FAF1: variants seen among roughly 807,000 people sequenced by gnomAD.
FAF1 encodes Fas associated factor 1.
FAF1 carries 25 observed loss-of-function variants against 92.5 expected under a neutral mutation model. That is an observed-to-expected ratio of 0.27 (90% CI 0.20 to 0.38). The LOEUF (loss-of-function observed/expected upper bound fraction) is 0.38, where lower values mean the gene tolerates loss of function less well. FAF1 is among the 10% of genes least tolerant of loss of function. The pLI is 1.00. For missense variants in FAF1, 636 were observed against 793.3 expected, an observed-to-expected ratio of 0.80 and a Z score of 2.38; for synonymous variants, 234 against 273.2, an observed-to-expected ratio of 0.86 and a Z score of 1.42.
At chr1:50,885,013 T>C (rs1644647006) in intron 1 of FAF1, among the ~76,000 whole-genome samples, 1 of 152,182 alleles carries the variant, frequency 6.6e-6, no homozygotes, top group Non-Finnish European at 1.5e-5. Context: ...AGGTTTTATT[T>C]GTCTAGAAAA....
chr1:50,825,789 GAATTTCAAAGGA>G, intron 2 of FAF1, among the ~76,000 whole-genome samples: 1 of 152,044 alleles, frequency 6.6e-6, no homozygotes, highest in East Asian at 1.9e-4. Context: ...AAATATCAAT[GAATTTCAAAGGA>G]CTGAAATCAC....
rs1204489027 is a variant in FAF1, at chr1:50,926,892, C to CT, written c.45+32874_45+32875insA. ...CAAATGTCCATCCATAAATAAAGAACATGTAGTATGTTCACACAACAGAGT... is the reference window on the plus strand; with the variant it reads ...CAAATGTCCATCCATAAATAAAGAACTATGTAGTATGTTCACACAACAGAGT... On this transcript the variant is annotated intron_variant, in intron 1 of 18. Coordinates refer to ENST00000396153, the MANE Select transcript of FAF1 (RefSeq NM_007051.3). 1.1e-4 allele frequency among the ~76,000 whole-genome samples: 17 copies of CT among 152,276 alleles called. No individual in the cohort carries two copies. In the East Asian group the frequency reaches 2.5e-3, roughly 22 times the overall value.
chr1:50,760,982 G>A (rs183874349), intron 4 of FAF1, among the ~76,000 whole-genome samples: 1 of 152,040 alleles, frequency 6.6e-6, no homozygotes, highest in Non-Finnish European at 1.5e-5. Context: ...TCAAATAAAT[G>A]CAATAAAAAA....
At chr1:50,472,302 T>C (rs1646583205) in intron 18 of FAF1, among the ~76,000 whole-genome samples, 1 of 149,706 alleles carries the variant, frequency 6.7e-6, no homozygotes, top group African/African-American at 2.5e-5. Context: ...GTCCAGGAGG[T>C]AGAGCTCTGG....
At chr1:50,822,262 C>G (rs1278382080) in intron 2 of FAF1, among the ~76,000 whole-genome samples, 1 of 152,020 alleles carries the variant, frequency 6.6e-6, no homozygotes, top group Non-Finnish European at 1.5e-5. Context: ...ATATCACTAT[C>G]AAAATAGCCC....
At chr1:50,887,071 T>G (rs1194567595) in intron 1 of FAF1, among the ~76,000 whole-genome samples, 1 of 152,226 alleles carries the variant, frequency 6.6e-6, no homozygotes, top group Non-Finnish European at 1.5e-5. Context: ...TGATCGCCAT[T>G]CTAACTGGTG....
At chr1:50,567,273 A>C in intron 12 of FAF1, 42 bp from the exon 13 acceptor site, 1 of 1,484,394 alleles carries the variant, frequency 6.7e-7, no homozygotes, top group Non-Finnish European at 9.1e-7. Flanking sequence ...AATATCCACT[A>C]ATGTAAGATT....
At chr1:50,661,149 T>C (rs1655355549) in intron 7 of FAF1, among the ~76,000 whole-genome samples, 1 of 152,106 alleles carries the variant, frequency 6.6e-6, no homozygotes, top group Non-Finnish European at 1.5e-5. Context: ...TTGCATGAGA[T>C]TTGGCATTTA....
chr1:50,910,891 A>G (rs1341344080), intron 1 of FAF1, among the ~76,000 whole-genome samples: 2 of 151,870 alleles, frequency 1.3e-5, no homozygotes, highest in Non-Finnish European at 2.9e-5. Context: ...CCACTGTCCA[A>G]CAAGCCCCAG....
chr1:50,674,537 C>A (rs1365244657), intron 7 of FAF1, among the ~76,000 whole-genome samples: 1 of 152,158 alleles, frequency 6.6e-6, no homozygotes, highest in East Asian at 1.9e-4. Context: ...AGATACCTTG[C>A]CTTCAAACAC....
chr1:50,583,714 C>T lies in FAF1; in HGVS notation c.969G>A (p.Met323Ile). Residue 323 changes from methionine to isoleucine, a missense_variant and splice_region_variant, in exon 11 of 19, where the codon ATG becomes ATA. Met to Ile is a conservative substitution (Grantham distance 10). Coordinates refer to ENST00000396153, the MANE Select transcript of FAF1 (RefSeq NM_007051.3). The surrounding 1 kb of genome is among the most constrained non-coding windows in gnomAD (Gnocchi z 4.2). The stretch of plus-strand genomic sequence containing the variant: ...CTCCTTCATTTTCTGCGTTTTCTGG[C>T]ACTAAAAAACAAACAAAAGAAAAAA... ...ASSALRKSPM[M>I]PENAENEGDA... 6.4e-7 allele frequency: 1 copy of T among 1,556,342 alleles called. No individual in the cohort carries two copies. Among genetic ancestry groups the T allele is most frequent in the Non-Finnish European group, 8.7e-7 (1 of 1,148,188 alleles).
At chr1:50,955,923 T>C (rs1398488183) in intron 1 of FAF1, among the ~76,000 whole-genome samples, 2 of 152,166 alleles carry the variant, frequency 1.3e-5, no homozygotes, top group Admixed American at 6.5e-5. Flanking sequence ...TTATATGAGG[T>C]ACCTATTAAT....
intron 6 of FAF1, among the ~76,000 whole-genome samples, chr1:50,718,185 C>G (rs907191593): frequency 4.6e-5 from 7 of 151,982 alleles, no homozygotes; most frequent in Non-Finnish European, 8.8e-5. Context: ...CTGGGATTAC[C>G]ACGCTCAGCT....
chr1:50,752,126 C>T (rs904515768), intron 4 of FAF1, among the ~76,000 whole-genome samples: 4 of 152,138 alleles, frequency 2.6e-5, no homozygotes, highest in Non-Finnish European at 5.9e-5. Context: ...CGTGCCACCA[C>T]ACCCAGCTAA....
At chr1:50,860,810 T>G (rs894812743) in intron 1 of FAF1, among the ~76,000 whole-genome samples, 1 of 151,810 alleles carries the variant, frequency 6.6e-6, no homozygotes, top group African/African-American at 2.4e-5. Context: ...CTATTCACAA[T>G]AGCAAAGACA....
chr1:50,866,852 T>C (rs1049897267), intron 1 of FAF1, among the ~76,000 whole-genome samples: 11 of 152,016 alleles, frequency 7.2e-5, no homozygotes, highest in African/African-American at 2.7e-4. Context: ...AAAATTCATA[T>C]GAAACCGAAA....
chr1:50,844,092 C>G (rs1005463499), intron 2 of FAF1, among the ~76,000 whole-genome samples: 3 of 152,130 alleles, frequency 2.0e-5, no homozygotes, highest in Non-Finnish European at 4.4e-5. Context: ...GAGATGATAT[C>G]TCATTATGGT....
intron 8 of FAF1, among the ~76,000 whole-genome samples, chr1:50,637,980 C>T (rs965806868): frequency 6.6e-6 from 1 of 151,862 alleles, no homozygotes; most frequent in Non-Finnish European, 1.5e-5. Flanking sequence ...TTGTTAATTT[C>T]TCTCCAATTA....
chr1:50,644,511 T>C (rs1407728881), intron 8 of FAF1, among the ~76,000 whole-genome samples: 3 of 152,228 alleles, frequency 2.0e-5, no homozygotes, highest in Non-Finnish European at 4.4e-5. Flanking sequence ...TCTGGAGATT[T>C]TTCTCTGCTG....
Sources: gnomAD v4.1 joint callset for allele counts (sites outside exome capture counted in the v4.1 genomes callset) on GRCh38, gnomAD v4.1.1 for gene constraint, Gnocchi (gnomAD v3.1) non-coding constraint, MANE v1.5 for transcripts, NCBI Gene and HGNC (gene_info 2026-07-23, HGNC 2026-07-21) for gene names.